BSN: variants seen among roughly 807,000 people sequenced by gnomAD.
BSN encodes bassoon presynaptic cytomatrix protein.
A neutral mutation model predicts 264.8 loss-of-function variants in BSN; 57 were observed. That is an observed-to-expected ratio of 0.22 (90% CI 0.17 to 0.27). BSN has a LOEUF of 0.27. BSN is among the 10% of genes least tolerant of loss of function. BSN has a pLI of 1.00. For missense variants in BSN, 4,615 were observed against 5,232.5 expected, an observed-to-expected ratio of 0.88 and a Z score of 3.64; for synonymous variants, 2,059 against 2,137.3, an observed-to-expected ratio of 0.96 and a Z score of 1.01.
intron 1 of BSN, among the ~76,000 whole-genome samples, chr3:49,587,380 T>TC (rs1323301992): frequency 6.6e-6 from 1 of 152,224 alleles, no homozygotes; most frequent in South Asian, 2.1e-4. Flanking sequence ...CTTCTTCCTT[T>TC]CCCCTTTGGA....
intron 1 of BSN, among the ~76,000 whole-genome samples, chr3:49,578,271 C>T (rs1348780655): frequency 1.3e-5 from 2 of 152,134 alleles, no homozygotes; most frequent in African/African-American, 4.8e-5. Flanking sequence ...GGATTATAGG[C>T]ACAAGCCACT....
intron 1 of BSN, among the ~76,000 whole-genome samples, chr3:49,612,530 A>G (rs1043075408): frequency 3.9e-5 from 6 of 152,218 alleles, no homozygotes; most frequent in African/African-American, 1.4e-4. Flanking sequence ...AAAACAAATT[A>G]TGATCTATTG....
chr3:49,598,728 G>GT (rs2052045540), intron 1 of BSN, among the ~76,000 whole-genome samples: 1 of 152,122 alleles, frequency 6.6e-6, no homozygotes, highest in African/African-American at 2.4e-5. Context: ...ACTTAATGGT[G>GT]AAAAACTGAA....
Position 49,661,438 on chromosome 3 carries a change from C to T in BSN, c.9593C>T (p.Pro3198Leu), listed in dbSNP as rs1324096447. ...GYEQGKVPEV[P>L]RAGDRGSVSQ... ...GAGCAGGGCAAGGTCCCTGAGGTGC[C>T]CCGGGCTGGTGACCGTGGCAGTGTG... The change falls in exon 6 of 12, where the codon CCC (proline) becomes CTC (leucine). Residue 3198 changes from proline to leucine, a missense_variant. By Grantham distance (98) the Pro-to-Leu change is moderately conservative (BLOSUM62 -3). Coordinates refer to ENST00000296452, the MANE Select transcript of BSN (RefSeq NM_003458.4). The T allele has an allele frequency of 6.2e-7, 1 of 1,613,784 alleles. No individual in the cohort carries two copies. The highest frequency in any genetic ancestry group is 2.2e-5 in the East Asian group (1 of 44,868).
chr3:49,609,753 C>CT (rs1003473822), intron 1 of BSN, among the ~76,000 whole-genome samples: 11 of 152,170 alleles, frequency 7.2e-5, no homozygotes, highest in African/African-American at 2.7e-4. Context: ...AACAGGCTGT[C>CT]TGAGTGAGAC....
rs772911326 is a variant in BSN at position 49,653,774 on chromosome 3, C to T, written c.4218C>T (p.Ser1406=). Residue 1406 remains serine, a synonymous_variant, in exon 5 of 12, where the codon TCC becomes TCT. Transcript: ENST00000296452. The surrounding 1 kb of genome is among the most constrained non-coding windows in gnomAD (Gnocchi z 6.3). The stretch of plus-strand genomic sequence containing the variant: ...TGACTCCAGCCTCCCCAGCAGGCTC[C>T]GAGCGTAGTCCTTCACCATCTTCCA... ...GYMTPASPAG[S]ERSPSPSSTA... The T allele has an allele frequency of 2.5e-5, 41 of 1,614,080 alleles. 1 individual carries two copies. Among genetic ancestry groups the T allele is most frequent in the East Asian group, 4.5e-5 (2 of 44,874 alleles).
intron 2 of BSN, among the ~76,000 whole-genome samples, chr3:49,641,079 A>G (rs1305325253): frequency 6.6e-6 from 1 of 152,094 alleles, no homozygotes; most frequent in African/African-American, 2.4e-5. Flanking sequence ...AGAGTTCCCA[A>G]GGTGTGGTGG....
chr3:49,654,382 C>T lies in BSN; in HGVS notation c.4826C>T (p.Pro1609Leu). 6.2e-7 allele frequency: 1 copy of T among 1,605,494 alleles called. No homozygotes were observed. The highest frequency in any genetic ancestry group is 8.5e-7 in the Non-Finnish European group (1 of 1,176,480). Residue 1609 changes from proline to leucine, a missense_variant, in exon 5 of 12, where the codon CCA (proline) becomes CTA (leucine). Transcript: ENST00000296452. The surrounding 1 kb of genome is among the most constrained non-coding windows in gnomAD (Gnocchi z 4.1). ...PPSVSQLPPE[P>L]PGPPGFPRVP... The stretch of plus-strand genomic sequence containing the variant: ...AGTGTGTCTCAGCTGCCCCCAGAGC[C>T]ACCTGGGCCACCTGGCTTTCCACGG...
intron 1 of BSN, among the ~76,000 whole-genome samples, chr3:49,558,526 T>C (rs1487955369): frequency 1.3e-5 from 2 of 152,232 alleles, no homozygotes; most frequent in Non-Finnish European, 2.9e-5. Context: ...TTGTCAGGCA[T>C]AGTATCTCTG....
At chr3:49,620,053 G>C (rs534624870) in intron 1 of BSN, among the ~76,000 whole-genome samples, 12 of 152,236 alleles carry the variant, frequency 7.9e-5, no homozygotes, top group Admixed American at 5.9e-4. Flanking sequence ...GGGTCAGAAG[G>C]TGCTCAGTGC....
At chr3:49,619,425 A>G (rs1017612757) in intron 1 of BSN, among the ~76,000 whole-genome samples, 1 of 152,082 alleles carries the variant, frequency 6.6e-6, no homozygotes, top group Admixed American at 6.5e-5. Flanking sequence ...CTCTACAGCT[A>G]CCCTAGAAAG....
rs370262650 is a variant in BSN, at chr3:49,652,815, C to T, written c.3259C>T (p.Arg1087Ter). Residue 1087 changes from arginine to a stop codon, truncating the protein, a stop_gained, in exon 5 of 12, where the codon CGA (arginine) becomes TGA (stop). Coordinates refer to ENST00000296452, the MANE Select transcript of BSN (RefSeq NM_003458.4). LOFTEE classifies it high-confidence loss of function. Reference sequence around the variant, plus strand: ...GGAAGAACTGCGGGCCCAGCGGAGGCGAGAGCGCTCCAAGACACCACCCAG... The same window carrying T: ...GGAAGAACTGCGGGCCCAGCGGAGGTGAGAGCGCTCCAAGACACCACCCAG... Reference protein sequence around the residue: ...DKEELRAQRRRERSKTPPSNL... With the variant: ...DKEELRAQRR 1 of 1,567,212 alleles carries T rather than the reference C, an allele frequency of 6.4e-7. No individual in the cohort carries two copies. The highest frequency in any genetic ancestry group is 8.7e-7 in the Non-Finnish European group (1 of 1,155,376).
intron 1 of BSN, among the ~76,000 whole-genome samples, chr3:49,571,325 T>C (rs1232882208): frequency 6.6e-6 from 1 of 152,092 alleles, no homozygotes; most frequent in Admixed American, 6.6e-5. Flanking sequence ...CAGCCTCTGC[T>C]TGGTGAATCT....
chr3:49,632,523 G>C (rs2052390097), intron 2 of BSN, among the ~76,000 whole-genome samples: 1 of 152,236 alleles, frequency 6.6e-6, no homozygotes, highest in East Asian at 1.9e-4. Context: ...GGGCAAAGAG[G>C]CCAGGCGCAG....
At chr3:49,648,465 G>A (rs1305309353) in intron 3 of BSN, among the ~76,000 whole-genome samples, 1 of 152,206 alleles carries the variant, frequency 6.6e-6, no homozygotes, top group Non-Finnish European at 1.5e-5. Flanking sequence ...TCTCTCTCTT[G>A]ATCTCTGCCT....
rs905750861 is a variant in BSN at position 49,656,208 on chromosome 3, C to T, written c.6652C>T (p.Pro2218Ser). Residue 2218 changes from proline to serine, a missense_variant, in exon 5 of 12, where the codon CCC becomes TCC. Coordinates refer to ENST00000296452, the MANE Select transcript of BSN (RefSeq NM_003458.4). ...ITTQPASVLRPMVRGGMYRPY... is the reference protein window; with the variant it reads ...ITTQPASVLRSMVRGGMYRPY... The stretch of plus-strand genomic sequence containing the variant: ...CACCCAGCCTGCCTCAGTCCTGCGG[C>T]CCATGGTGCGTGGTGGCATGTACAG... The T allele has an allele frequency of 1.2e-6, 2 of 1,610,686 alleles. No homozygotes were observed. The highest frequency in any genetic ancestry group is 1.7e-6 in the Non-Finnish European group (2 of 1,178,630).
rs1001509894 is a variant in BSN at position 49,561,868 on chromosome 3, C to T, written c.224+7042C>T. On this transcript the variant is annotated intron_variant, in intron 1 of 11. Coordinates refer to ENST00000296452, the MANE Select transcript of BSN (RefSeq NM_003458.4). ...TGTCGCCCAGGCTGGAGTGCAGTGGCGTGATCTCAGCTCACTGCAACCTCT... is the reference window on the plus strand; with the variant it reads ...TGTCGCCCAGGCTGGAGTGCAGTGGTGTGATCTCAGCTCACTGCAACCTCT... 1.3e-4 allele frequency among the ~76,000 whole-genome samples: 20 copies of T among 151,970 alleles called. No homozygotes were observed. In the East Asian group the frequency reaches 2.1e-3, roughly 16 times the overall value.
intron 2 of BSN, chr3:49,641,639 G>A (rs2329021): frequency 0.82 from 124,513 of 152,152 alleles, 51,305 homozygotes; most frequent in East Asian, 0.99. Flanking sequence ...CTTTACCCTC[G>A]CTTATTTTGT....
In BSN at chr3:49,661,316, G is replaced by T; in HGVS notation, c.9471G>T (p.Val3157=). Residue 3157 remains valine (V), a synonymous_variant, in exon 6 of 12, where the codon GTG becomes GTT. Transcript: ENST00000296452. Reference sequence around the variant, plus strand: ...CGCTAGCCGACTTGGAGCAGAAGGTGCCCACCAACTATGAGGTGATCGCCA... The same window carrying T: ...CGCTAGCCGACTTGGAGCAGAAGGTTCCCACCAACTATGAGGTGATCGCCA... The part of the protein sequence containing the change: ...QTSLADLEQK[V]PTNYEVIASP... The T allele has an allele frequency of 1.2e-6, 2 of 1,613,928 alleles. No individual in the cohort carries two copies. The highest frequency in any genetic ancestry group is 1.7e-6 in the Non-Finnish European group (2 of 1,180,038).
Sources: allele counts gnomAD v4.1 joint callset (sites outside exome capture counted in the v4.1 genomes callset), GRCh38; gene constraint gnomAD v4.1.1; non-coding constraint Gnocchi (gnomAD v3.1); transcripts MANE v1.5; gene names NCBI Gene and HGNC (gene_info 2026-07-23, HGNC 2026-07-21).